The following TMPRSS2 variants were observed in gnomAD, a reference collection of about 807,000 sequenced individuals.
TMPRSS2 encodes transmembrane protease serine 2.
TMPRSS2 carries 59 observed loss-of-function variants against 67.4 expected under a neutral mutation model. That is an observed-to-expected ratio of 0.88 (90% confidence interval 0.71 to 1.09). The LOEUF is 1.09. Among genes scored for constraint, TMPRSS2 ranks in the 50% least tolerant of loss-of-function variants. The pLI is 0.00. For missense variants in TMPRSS2, 668 were observed against 642.7 expected (o/e 1.04, Z -0.43); for synonymous variants, 257 against 257.0 (o/e 1.00, Z 0.00).
At chr21:41,486,289 G>C (rs1336562573) in intron 5 of TMPRSS2, among the ~76,000 whole-genome samples, 1 of 152,132 alleles carries the variant, frequency 6.6e-6, no homozygotes. Context: ...ACATGGCTGT[G>C]CTTGGGAAAT....
At chr21:41,473,715 C>A (rs2298661) in intron 8 of TMPRSS2, among the ~76,000 whole-genome samples, 35,542 of 151,064 alleles carry the variant, frequency 0.24, 4,490 homozygotes, top group East Asian at 0.41. Flanking sequence ...CCTGAACACT[C>A]CTGTGATCCC....
chr21:41,505,326 A>G (rs1481436755), intron 1 of TMPRSS2, among the ~76,000 whole-genome samples: 3 of 152,164 alleles, frequency 2.0e-5, no homozygotes, highest in Non-Finnish European at 4.4e-5. Flanking sequence ...TATTACGAAG[A>G]TCCCCTAGGG....
chr21:41,480,745 T>C (rs1452858627), intron 5 of TMPRSS2, 143 bp from the exon 6 acceptor site: 16 of 1,189,370 alleles, frequency 1.3e-5, no homozygotes, highest in Non-Finnish European at 1.9e-5. Flanking sequence ...TTCAAGTGAT[T>C]CTCCTGCCTC....
At chr21:41,468,258 C>T in intron 12 of TMPRSS2, 138 bp downstream of exon 12, 1 of 1,089,756 alleles carries the variant, frequency 9.2e-7, no homozygotes, top group Non-Finnish European at 1.3e-6. Context: ...CTGTTTGTGG[C>T]CGTCACTTCC....
intron 5 of TMPRSS2, among the ~76,000 whole-genome samples, chr21:41,482,294 T>G (rs2091263006): frequency 6.6e-6 from 1 of 152,116 alleles, no homozygotes. Flanking sequence ...TTTTGGGGAC[T>G]TTTTGCTGGG....
intron 9 of TMPRSS2, 123 bp downstream of exon 9, chr21:41,473,202 C>G: frequency 8.6e-7 from 1 of 1,157,220 alleles, no homozygotes; most frequent in Non-Finnish European, 1.2e-6. Context: ...GAAGCAGGTG[C>G]AATACTCTCC....
chr21:41,468,563 C>T (rs765227753), intron 11 of TMPRSS2, 25 bp from the exon 12 acceptor site: 237 of 1,612,540 alleles, frequency 1.5e-4, no homozygotes, highest in Non-Finnish European at 1.9e-4. Context: ...ACTTGTTGAG[C>T]TCCCAGTGTT....
chr21:41,488,622 C>G (rs1242595029), intron 4 of TMPRSS2, 109 bp from the exon 5 acceptor site: 1 of 1,232,862 alleles, frequency 8.1e-7, no homozygotes, highest in African/African-American at 1.5e-5. Context: ...CCTCCAACTC[C>G]TGGCCCCACT....
chr21:41,491,151 A>ATTTTTTT (rs35598191), intron 3 of TMPRSS2, among the ~76,000 whole-genome samples: 1 of 106,590 alleles, frequency 9.4e-6, no homozygotes, highest in Non-Finnish European at 1.9e-5. Context: ...TCTGCATTGC[A>ATTTTTTT]TTTTTTTTTT....
At chr21:41,488,586 C>A (rs997941898) in intron 4 of TMPRSS2, 73 bp from the exon 5 acceptor site, 5 of 1,501,170 alleles carry the variant, frequency 3.3e-6, no homozygotes, top group East Asian at 4.9e-5. Flanking sequence ...TGAGGAACAC[C>A]GTGGCATTAC....
intron 6 of TMPRSS2, 44 bp from the exon 7 acceptor site, chr21:41,479,326 C>T: frequency 6.9e-7 from 1 of 1,439,294 alleles, no homozygotes; most frequent in African/African-American, 1.4e-5. Context: ...AAGGCATAAG[C>T]AAACACAAAT....
Position 41,473,373 on chromosome 21 carries a change from G to C in TMPRSS2, c.851C>G (p.Ser284Cys). The change falls in exon 9 of 14, where the codon TCC becomes TGC. Residue 284 changes from serine to cysteine, a missense_variant. By Grantham distance (112) the Ser-to-Cys change is moderately radical. Coordinates refer to ENST00000332149, the MANE Select transcript of TMPRSS2 (RefSeq NM_005656.4). ...HVQNVHVCGG[S>C]IITPEWIVTA... ...CACGATCCACTCGGGGGTGATGATG[G>C]AGCCTCCGCACACGTGGACGTTCTG... is the stretch of plus-strand genomic sequence containing the variant. 6.2e-7 allele frequency: 1 copy of C among 1,609,902 alleles called. No homozygotes were observed.
intron 7 of TMPRSS2, among the ~76,000 whole-genome samples, chr21:41,477,746 C>T (rs1212292123): frequency 4.6e-5 from 7 of 152,104 alleles, no homozygotes; most frequent in African/African-American, 9.7e-5. Context: ...ATCCTAAGGT[C>T]GGTAGGGATA....
In TMPRSS2 at chr21:41,464,897, C is replaced by A. The variant is rs1160709009; in HGVS notation, c.*1245G>T. ...ATTCTTGCAAACCAGCCTGCTTGGC[C>A]AGGAGGCAGAACCATGGTAGAGTAG... On this transcript the variant is annotated 3_prime_UTR_variant, in exon 14 of 14. Transcript: ENST00000332149. 1 of 233,164 alleles carries A rather than the reference C, an allele frequency of 4.3e-6. No individual in the cohort carries two copies. Among genetic ancestry groups the A allele is most frequent in the Non-Finnish European group, 8.5e-6 (1 of 118,068 alleles). 14.4% of individuals were successfully genotyped at this position (233,164 alleles called of 1,614,324 possible). A position where few individuals can be genotyped will look rare whatever the true frequency, so the allele number is the denominator to read the frequency against.
At chr21:41,494,804 C>A (rs113638979) in intron 2 of TMPRSS2, 10 of 574,542 alleles carry the variant, frequency 1.7e-5, no homozygotes, top group African/African-American at 1.1e-4. Context: ...GGTGCGGTGG[C>A]TCATGCCTGT....
chr21:41,474,006 T>G (rs1418010081), intron 8 of TMPRSS2, among the ~76,000 whole-genome samples: 4 of 4,214 alleles, frequency 9.5e-4, no homozygotes, highest in African/African-American at 2.7e-3. Flanking sequence ...GAGGGGGTAA[T>G]TGAGGGGGTG....
intron 12 of TMPRSS2, 96 bp from the exon 13 acceptor site, chr21:41,467,982 C>T: frequency 7.1e-7 from 1 of 1,400,794 alleles, no homozygotes; most frequent in Non-Finnish European, 9.9e-7. Context: ...GCGGGGGTCG[C>T]AGTGTGAGTT....
chr21:41,468,718 T>C, intron 11 of TMPRSS2, 180 bp from the exon 12 acceptor site: 1 of 634,156 alleles, frequency 1.6e-6, no homozygotes. Flanking sequence ...TGGATTCTCC[T>C]TACAACTGGC....
In TMPRSS2 at chr21:41,488,157, G is replaced by A. The variant is rs561575371; in HGVS notation, c.445+237C>T. The A allele has an allele frequency of 8.0e-4, 327 of 407,334 alleles. 3 individuals are homozygous for A. Among genetic ancestry groups the A allele is most frequent in the South Asian group, 3.5e-3 (84 of 23,812 alleles). 25.2% of individuals were successfully genotyped at this position (407,334 alleles called of 1,614,324 possible). A position where few individuals can be genotyped will look rare whatever the true frequency, so the allele number is the denominator to read the frequency against. On this transcript the variant is annotated intron_variant, in intron 5 of 13. Coordinates refer to ENST00000332149, the MANE Select transcript of TMPRSS2 (RefSeq NM_005656.4). ...GACTTCCTGTGGCAGTTCAGAGCAC[G>A]TGTGGTTCCAATGACACAGTCCTCG... is the stretch of plus-strand genomic sequence containing the variant.
Sources: allele counts gnomAD v4.1 joint callset (sites outside exome capture counted in the v4.1 genomes callset), GRCh38; gene constraint gnomAD v4.1.1; transcripts MANE v1.5; gene names NCBI Gene and HGNC (gene_info 2026-07-23, HGNC 2026-07-21).